GTSF1: variants seen among roughly 807,000 people sequenced by gnomAD.
GTSF1 encodes the protein gametocyte-specific factor 1.
A neutral mutation model predicts 28.9 loss-of-function variants in GTSF1; 11 were observed. The observed-to-expected ratio is 0.38, with a 90% CI of 0.24 to 0.63. The LOEUF is 0.63. Ranked by LOEUF, GTSF1 falls within the 30% of genes least tolerant of loss-of-function variation. The pLI, the probability that GTSF1 is intolerant of heterozygous loss-of-function variation, is 0.56. For missense variants in GTSF1, 146 were observed against 201.0 expected, an observed-to-expected ratio of 0.73 and a Z score of 1.66; for synonymous variants, 69 against 65.6, an observed-to-expected ratio of 1.05 and a Z score of -0.25.
intron 8 of GTSF1, among the ~76,000 whole-genome samples, chr12:54,457,984 A>C (rs1051048750): frequency 3.3e-5 from 5 of 152,228 alleles, no homozygotes; most frequent in Non-Finnish European, 1.5e-5. Context: ...TTACTACAAA[A>C]TGAAACTAAC....
intron 2 of GTSF1, 60 bp from the exon 3 acceptor site, chr12:54,465,227 A>C (rs1179069262): frequency 1.8e-6 from 2 of 1,102,690 alleles, no homozygotes; most frequent in Non-Finnish European, 2.8e-6. Flanking sequence ...AAACTACAGC[A>C]TTCCAGGCAC....
chr12:54,467,610 C>T lies in GTSF1; in HGVS notation c.17-2443G>A, dbSNP rs571244772. On this transcript the variant is annotated intron_variant, in intron 2 of 8. Transcript: ENST00000305879. ...GATTACAGGTGTGAGCCACCACATT[C>T]GGCCATTTCCTTTATCTTCTGTCTT... Among the ~76,000 whole-genome samples the T allele has an allele frequency of 1.3e-4, 20 of 149,606 alleles. No homozygotes were observed. In the East Asian group the frequency reaches 3.5e-3, roughly 26 times the overall value.
At chr12:54,469,017 C>T (rs957967250) in intron 2 of GTSF1, 7 of 152,120 alleles carry the variant, frequency 4.6e-5, no homozygotes, top group Admixed American at 4.6e-4. Flanking sequence ...ATTTAATAGA[C>T]AGTAGTATGC....
intron 7 of GTSF1, 35 bp downstream of exon 7, chr12:54,460,342 A>G (rs1956402728): frequency 2.8e-6 from 4 of 1,437,366 alleles, no homozygotes; most frequent in African/African-American, 1.4e-5. Flanking sequence ...AGCACAATGA[A>G]AAGAGTAAAA....
chr12:54,463,022 C>T (rs1019481408), intron 4 of GTSF1, 149 bp downstream of exon 4: 4 of 720,400 alleles, frequency 5.6e-6, no homozygotes, highest in Admixed American at 3.1e-5. Context: ...ATCTGACAAC[C>T]TATTGCTGCC....
chr12:54,464,956 C>T, intron 3 of GTSF1, 111 bp downstream of exon 3: 1 of 643,096 alleles, frequency 1.6e-6, no homozygotes, highest in South Asian at 2.1e-5. Flanking sequence ...AGGTAGATTC[C>T]CAAAACAATT....
chr12:54,461,475 C>T (rs1365175638), intron 6 of GTSF1, among the ~76,000 whole-genome samples: 2 of 151,940 alleles, frequency 1.3e-5, no homozygotes, highest in Admixed American at 6.6e-5. Flanking sequence ...AAGTTTGAGA[C>T]CAGCCTGGGC....
At chr12:54,470,332 A>G (rs1462153982) in intron 2 of GTSF1, among the ~76,000 whole-genome samples, 1 of 152,250 alleles carries the variant, frequency 6.6e-6, no homozygotes, top group Non-Finnish European at 1.5e-5. Flanking sequence ...GGTGGGACCC[A>G]GCAATCTGGT....
intron 2 of GTSF1, among the ~76,000 whole-genome samples, chr12:54,466,661 T>C (rs1455691091): frequency 5.3e-5 from 8 of 152,140 alleles, no homozygotes; most frequent in Admixed American, 5.2e-4. Flanking sequence ...GATGGTACCT[T>C]ATGATTCATA....
chr12:54,464,017 GA>G (rs1019982559), intron 3 of GTSF1, among the ~76,000 whole-genome samples: 1 of 151,556 alleles, frequency 6.6e-6, no homozygotes, highest in Non-Finnish European at 1.5e-5. Flanking sequence ...AATTTATTAG[GA>G]AAAAAAAGAT....
chr12:54,471,336 C>T (rs1956591849), intron 1 of GTSF1, 59 bp from the exon 2 acceptor site: 4 of 1,224,510 alleles, frequency 3.3e-6, no homozygotes, highest in East Asian at 2.5e-5. Context: ...AAAAGGTAAC[C>T]CTAAGAAGTG....
At chr12:54,469,013 T>C (rs1727218983) in intron 2 of GTSF1, 1 of 152,222 alleles carries the variant, frequency 6.6e-6, no homozygotes, top group Non-Finnish European at 1.5e-5. Context: ...TCTAATTTAA[T>C]AGACAGTAGT....
Position 54,457,201 on chromosome 12 carries a change from G to C in GTSF1, c.*21-1048C>G, listed in dbSNP as rs147910411. Among the ~76,000 whole-genome samples, 331 of 152,286 alleles carry C rather than the reference G, an allele frequency of 2.2e-3. 1 individual carries two copies. Among genetic ancestry groups the C allele is most frequent in the African/African-American group, 7.7e-3 (319 of 41,552 alleles). On this transcript the variant is annotated intron_variant, in intron 8 of 8. Coordinates refer to ENST00000305879, the MANE Select transcript of GTSF1 (RefSeq NM_144594.3). Reference sequence around the variant, plus strand: ...ATCTAATTATTTTTCTGATCCCTCAGGAGTTACACAGAAAAATAAATTTTT... The same window carrying C: ...ATCTAATTATTTTTCTGATCCCTCACGAGTTACACAGAAAAATAAATTTTT...
At chr12:54,460,256 G>T in intron 7 of GTSF1, 121 bp downstream of exon 7, 2 of 685,770 alleles carry the variant, frequency 2.9e-6, no homozygotes, top group Non-Finnish European at 5.1e-6. Flanking sequence ...ATTTAAGGAG[G>T]CACTCACTTT....
intron 3 of GTSF1, 99 bp downstream of exon 3, chr12:54,464,968 T>C (rs1180889480): frequency 1.5e-6 from 1 of 683,856 alleles, no homozygotes; most frequent in African/African-American, 1.8e-5. Flanking sequence ...AAAACAATTC[T>C]GGCAATCAAT....
intron 4 of GTSF1, 21 bp from the exon 5 acceptor site, chr12:54,462,746 G>C (rs1180906376): frequency 6.3e-7 from 1 of 1,593,510 alleles, no homozygotes; most frequent in East Asian, 2.2e-5. Context: ...ATAAAGATTG[G>C]ATATAAGAGG....
chr12:54,461,260 A>T (rs1447941763), intron 6 of GTSF1, among the ~76,000 whole-genome samples: 16 of 143,878 alleles, frequency 1.1e-4, no homozygotes, highest in East Asian at 4.1e-4. Context: ...TGCCCAGCTT[A>T]TTTTTTTTTT....
Position 54,464,093 on chromosome 12 carries a change from A to G in GTSF1, c.118-796T>C, listed in dbSNP as rs558070268. ...AGTAGGGAGAAGTCTGGAAAAATAT[A>G]TAGGTGTGAGAAACTTGCAGGCATC... On this transcript the variant is annotated intron_variant, in intron 3 of 8. Coordinates refer to ENST00000305879, the MANE Select transcript of GTSF1 (RefSeq NM_144594.3). Among the ~76,000 whole-genome samples the G allele has an allele frequency of 3.3e-5, 5 of 152,370 alleles. No homozygotes were observed. In the South Asian group the frequency reaches 1.0e-3, roughly 32 times the overall value.
At chr12:54,459,548 G>C (rs1956388157) in intron 7 of GTSF1, 1 of 875,136 alleles carries the variant, frequency 1.1e-6, no homozygotes, top group Non-Finnish European at 1.6e-6. Flanking sequence ...ACGGTAATAT[G>C]ATACAAATTT....
Sources: gnomAD v4.1 joint callset for allele counts (sites outside exome capture counted in the v4.1 genomes callset) on GRCh38, gnomAD v4.1.1 for gene constraint, MANE v1.5 for transcripts, NCBI Gene and HGNC (gene_info 2026-07-23, HGNC 2026-07-21) for gene names.